USH2A: variants seen among roughly 807,000 people sequenced by gnomAD.
The protein encoded by USH2A is usherin.
USH2A carries 443 observed loss-of-function variants against 538.9 expected under a neutral mutation model. The observed-to-expected ratio is 0.82, with a 90% confidence interval of 0.76 to 0.89. The LOEUF (loss-of-function observed/expected upper bound fraction) is 0.89, where lower values mean the gene tolerates loss of function less well. Ranked by LOEUF, USH2A falls within the 40% of genes least tolerant of loss-of-function variation. USH2A has a pLI of 0.00. For missense variants in USH2A, 6,633 were observed against 6,324.8 expected (o/e 1.05, Z -1.65); for synonymous variants, 2,413 against 2,273.5 (o/e 1.06, Z -1.75).
At chr1:216,249,073 CTTT>C (rs1014252961) in intron 12 of USH2A, among the ~76,000 whole-genome samples, 1 of 150,548 alleles carries the variant, frequency 6.6e-6, no homozygotes, top group African/African-American at 2.4e-5. Context: ...TTCTGGGCTT[CTTT>C]TTTTTTCATA....
intron 71 of USH2A, among the ~76,000 whole-genome samples, chr1:215,627,692 A>G (rs1571913756): frequency 6.6e-6 from 1 of 151,982 alleles, no homozygotes; most frequent in Middle Eastern, 3.4e-3. Flanking sequence ...CGCCCAGCTA[A>G]TTTTTGTATT....
chr1:215,846,089 A>C, intron 44 of USH2A, 56 bp from the exon 45 acceptor site: 1 of 1,536,390 alleles, frequency 6.5e-7, no homozygotes, highest in South Asian at 1.1e-5. Flanking sequence ...CAGGGGAAAA[A>C]AAAAATTCTA....
intron 38 of USH2A, among the ~76,000 whole-genome samples, chr1:215,906,122 T>C (rs1217647226): frequency 2.0e-5 from 3 of 152,026 alleles, no homozygotes; most frequent in African/African-American, 4.8e-5. Flanking sequence ...TTTAAAAAGA[T>C]ATTAATTATG....
intron 32 of USH2A, among the ~76,000 whole-genome samples, chr1:216,005,790 A>G (rs547440259): frequency 1.6e-4 from 25 of 152,304 alleles, no homozygotes; most frequent in African/African-American, 5.8e-4. Context: ...AATAAAAAAA[A>G]TAAAAACAAA....
intron 21 of USH2A, among the ~76,000 whole-genome samples, chr1:216,112,421 G>T (rs904614107): frequency 1.3e-5 from 2 of 152,080 alleles, no homozygotes; most frequent in African/African-American, 4.8e-5. Context: ...GTTGAGAAAT[G>T]ATTTCATTCT....
chr1:216,244,023 G>A (rs1220237946), intron 13 of USH2A, among the ~76,000 whole-genome samples: 1 of 150,588 alleles, frequency 6.6e-6, no homozygotes, highest in Non-Finnish European at 1.5e-5. Context: ...TTATTTTCAA[G>A]TTTTCTATAG....
chr1:215,920,655 CA>C (rs1178712193), intron 38 of USH2A, among the ~76,000 whole-genome samples: 1 of 151,896 alleles, frequency 6.6e-6, no homozygotes, highest in Non-Finnish European at 1.5e-5. Flanking sequence ...CAAGGTCACA[CA>C]ATCAGGAAAT....
At chr1:215,693,088 A>ATGTG (rs1190074937) in intron 61 of USH2A, among the ~76,000 whole-genome samples, 2 of 66,084 alleles carry the variant, frequency 3.0e-5, no homozygotes, top group South Asian at 9.8e-4. Flanking sequence ...ATATATATAT[A>ATGTG]TATATGTGTG....
At chr1:215,717,122 G>A (rs1659508764) in intron 61 of USH2A, among the ~76,000 whole-genome samples, 1 of 152,134 alleles carries the variant, frequency 6.6e-6, no homozygotes, top group African/African-American at 2.4e-5. Flanking sequence ...GAGATGGAGA[G>A]ATGAAAGAAA....
chr1:215,660,657 T>C (rs1287649980), intron 64 of USH2A, among the ~76,000 whole-genome samples: 1 of 152,196 alleles, frequency 6.6e-6, no homozygotes, highest in Non-Finnish European at 1.5e-5. Context: ...TTATAATTAG[T>C]TAAAATTTCT....
chr1:216,369,303 G>T (rs545898190), intron 3 of USH2A, among the ~76,000 whole-genome samples: 5 of 151,782 alleles, frequency 3.3e-5, no homozygotes, highest in Admixed American at 3.3e-4. Context: ...CCCTACCTAC[G>T]AACACGTGGA....
intron 21 of USH2A, among the ~76,000 whole-genome samples, chr1:216,112,840 TTATC>T (rs1205026252): frequency 6.6e-6 from 1 of 152,104 alleles, no homozygotes; most frequent in Admixed American, 6.6e-5. Context: ...CACATTTTCT[TTATC>T]TAGTCTGTCA....
intron 11 of USH2A, among the ~76,000 whole-genome samples, chr1:216,280,698 G>A (rs1347945763): frequency 1.6e-5 from 1 of 63,576 alleles, no homozygotes; most frequent in Non-Finnish European, 3.6e-5. Flanking sequence ...TTCACATAAG[G>A]AAGAATTACA....
intron 69 of USH2A, among the ~76,000 whole-genome samples, chr1:215,635,570 T>TA (rs1558031965): frequency 1.2e-4 from 18 of 150,552 alleles, no homozygotes; most frequent in Middle Eastern, 6.4e-3. Context: ...TTTATTTATT[T>TA]TTTGAGATGG....
At chr1:216,080,193 G>A (rs1334192995) in intron 26 of USH2A, among the ~76,000 whole-genome samples, 1 of 152,098 alleles carries the variant, frequency 6.6e-6, no homozygotes, top group Non-Finnish European at 1.5e-5. Context: ...ATTATTCAGT[G>A]AGTGTAAAAA....
At chr1:216,307,136 G>A (rs888958894) in intron 9 of USH2A, among the ~76,000 whole-genome samples, 2 of 152,086 alleles carry the variant, frequency 1.3e-5, no homozygotes, top group African/African-American at 2.4e-5. Context: ...GCTCTCAAGA[G>A]ATTATGTCCT....
chr1:215,739,071 C>T (rs1011186573), intron 60 of USH2A, among the ~76,000 whole-genome samples: 2 of 152,086 alleles, frequency 1.3e-5, no homozygotes, highest in African/African-American at 2.4e-5. Flanking sequence ...GTGAATATAA[C>T]GATTGTATCT....
intron 64 of USH2A, among the ~76,000 whole-genome samples, chr1:215,659,139 GA>G (rs375095773): frequency 8.5e-4 from 130 of 152,308 alleles, no homozygotes; most frequent in Non-Finnish European, 1.7e-3. Context: ...TGCTAGAAAG[GA>G]AATGATGAGA....
chr1:215,680,456 C>A, intron 61 of USH2A, 80 bp from the exon 62 acceptor site: 2 of 1,429,342 alleles, frequency 1.4e-6, no homozygotes, highest in South Asian at 2.3e-5. Flanking sequence ...TTCTCTGAAC[C>A]TCATGGCCAA....
Sources: allele counts gnomAD v4.1 joint callset (sites outside exome capture counted in the v4.1 genomes callset), GRCh38; gene constraint gnomAD v4.1.1; transcripts MANE v1.5; gene names NCBI Gene and HGNC (gene_info 2026-07-23, HGNC 2026-07-21).